The following MINDY4B variants were observed in gnomAD, a reference collection of about 807,000 sequenced individuals.
MINDY4B encodes inactive ubiquitin carboxyl-terminal hydrolase MINDY-4B.
MINDY4B carries 25 observed loss-of-function variants against 16.7 expected under a neutral mutation model. The observed-to-expected ratio is 1.49, with a 90% CI of 1.09 to 2.09. MINDY4B has a LOEUF of 2.09. Ranked by LOEUF, MINDY4B falls within the 30% of genes most tolerant of loss-of-function variation. The pLI is 0.00. For missense variants in MINDY4B, 327 were observed against 168.4 expected, an observed-to-expected ratio of 1.94 and a Z score of -5.21; for synonymous variants, 132 against 61.9, an observed-to-expected ratio of 2.13 and a Z score of -5.32.
chr3:150,883,893 CT>C (rs1463871406), intron 8 of MINDY4B, 121 bp from the exon 9 acceptor site: 6 of 623,420 alleles, frequency 9.6e-6, no homozygotes, highest in Non-Finnish European at 1.7e-5. Context: ...CTGTTTCTCA[CT>C]TGCACTTTTC....
intron 9 of MINDY4B, 149 bp downstream of exon 9, chr3:150,883,551 C>T (rs1431121355): frequency 2.5e-5 from 15 of 602,348 alleles, no homozygotes; most frequent in African/African-American, 3.7e-5. Flanking sequence ...CAAAGATAAC[C>T]GGATTGCTCT....
intron 7 of MINDY4B, among the ~76,000 whole-genome samples, chr3:150,885,779 T>A (rs940611105): frequency 2.0e-5 from 3 of 152,140 alleles, no homozygotes; most frequent in Non-Finnish European, 4.4e-5. Flanking sequence ...CCTCTCCTTA[T>A]CCAGCCTCTT....
chr3:150,884,902 C>T (rs7637547), intron 8 of MINDY4B, among the ~76,000 whole-genome samples: 60 of 152,332 alleles, frequency 3.9e-4, no homozygotes, highest in African/African-American at 1.3e-3. Flanking sequence ...TGCCCAGCAT[C>T]TCTGTGTACA....
chr3:150,901,005 A>G (rs548731090), intron 3 of MINDY4B: 1 of 152,258 alleles, frequency 6.6e-6, no homozygotes, highest in Admixed American at 6.5e-5. Flanking sequence ...CCTTGTACCC[A>G]CTGTTGTGTT....
At chr3:150,890,833 A>T in intron 6 of MINDY4B, 105 bp downstream of exon 6, 2 of 644,750 alleles carry the variant, frequency 3.1e-6, no homozygotes, top group Non-Finnish European at 5.7e-6. Flanking sequence ...CTCCGGTCAC[A>T]TCAGGAGCAT....
intron 10 of MINDY4B, among the ~76,000 whole-genome samples, chr3:150,879,005 C>G (rs1192773659): frequency 1.3e-5 from 2 of 152,164 alleles, no homozygotes; most frequent in Non-Finnish European, 2.9e-5. Context: ...GATATAGTCC[C>G]TTTTCTCACA....
At chr3:150,875,493 T>C (rs1055731572) in intron 10 of MINDY4B, among the ~76,000 whole-genome samples, 24 of 152,332 alleles carry the variant, frequency 1.6e-4, no homozygotes, top group African/African-American at 5.8e-4. Context: ...ATATATGATA[T>C]TGTTTCACAG....
chr3:150,888,879 G>C (rs993575134), intron 7 of MINDY4B, among the ~76,000 whole-genome samples: 1 of 152,142 alleles, frequency 6.6e-6, no homozygotes, highest in Non-Finnish European at 1.5e-5. Context: ...GGTGGAGGGG[G>C]TTCTTCCTAT....
Position 150,883,718 on chromosome 3 carries a change from T to G in MINDY4B, c.879A>C (p.Gly293=), listed in dbSNP as rs1478635494. The G allele has an allele frequency of 1.4e-6, 1 of 702,788 alleles. No homozygotes were observed. The highest frequency in any genetic ancestry group is 2.7e-5 in the East Asian group (1 of 37,284). The allele number at this position is 702,788 out of a possible 1,614,324, so 43.5% of individuals were successfully genotyped here. A position where few individuals can be genotyped will look rare whatever the true frequency, so the allele number is the denominator to read the frequency against. Residue 293 remains glycine, a synonymous_variant, in exon 9 of 12, where the codon GGA becomes GGC. Coordinates refer to ENST00000465419, the MANE Select transcript of MINDY4B (RefSeq NM_001351281.2). ...TTTQLLQPNA[G]GFLCRQAVLN... The stretch of plus-strand genomic sequence containing the variant: ...AGCTCACCTGCCTGCACAGAAAGCC[T>G]CCAGCATTTGGTTGTAGCAGCTGAG...
chr3:150,890,008 T>C (rs1380120378), intron 7 of MINDY4B, among the ~76,000 whole-genome samples: 1 of 152,218 alleles, frequency 6.6e-6, no homozygotes, highest in East Asian at 1.9e-4. Flanking sequence ...TTGTTTTTTA[T>C]TCATTAGATG....
chr3:150,898,615 T>C (rs913362423), intron 3 of MINDY4B, among the ~76,000 whole-genome samples: 4 of 152,234 alleles, frequency 2.6e-5, no homozygotes, highest in Non-Finnish European at 5.9e-5. Context: ...AAACAGATGG[T>C]AAATGGTCCT....
intron 10 of MINDY4B, among the ~76,000 whole-genome samples, chr3:150,874,671 C>T (rs1418911165): frequency 4.6e-5 from 7 of 152,300 alleles, no homozygotes; most frequent in Admixed American, 2.6e-4. Flanking sequence ...CTTTTCTTCT[C>T]AGTCCTCAGA....
chr3:150,889,536 A>G (rs1329272527), intron 7 of MINDY4B, among the ~76,000 whole-genome samples: 1 of 152,208 alleles, frequency 6.6e-6, no homozygotes, highest in African/African-American at 2.4e-5. Context: ...AGTGTAATAT[A>G]TTTACAAGTT....
chr3:150,883,984 G>A lies in MINDY4B; in HGVS notation c.825-212C>T, dbSNP rs370063154. Among the ~76,000 whole-genome samples, 13 of 152,364 alleles carry A rather than the reference G, an allele frequency of 8.5e-5. No individual in the cohort carries two copies. In the East Asian group the frequency reaches 2.1e-3, roughly 25 times the overall value. On this transcript the variant is annotated intron_variant, in intron 8 of 11. Transcript: ENST00000465419. Reference sequence around the variant, plus strand: ...GGGAAAGTGAGTAATAAGTGGTAGGGGAGAAGGTACAGATGTCTCAAATGT... The same window carrying A: ...GGGAAAGTGAGTAATAAGTGGTAGGAGAGAAGGTACAGATGTCTCAAATGT...
rs1244813594 is a variant in MINDY4B at position 150,891,060 on chromosome 3, C to T, written c.565G>A (p.Ala189Thr). 2.7e-5 allele frequency: 19 copies of T among 702,704 alleles called. No individual in the cohort carries two copies. The highest frequency in any genetic ancestry group is 6.0e-5 in the Admixed American group (3 of 49,996). The allele number at this position is 702,704 out of a possible 1,614,324, so 43.5% of individuals were successfully genotyped here. A position where few individuals can be genotyped will look rare whatever the true frequency, so the allele number is the denominator to read the frequency against. The stretch of plus-strand genomic sequence containing the variant: ...GCCCACAGGATGCCAGCAAGCGCCG[C>T]GGCCAAGGCTTGCTCCTGCTCCTTC... Reference protein sequence around the residue: ...SKKEQEQALAAALAGILWAAG... With the variant: ...SKKEQEQALATALAGILWAAG... Residue 189 changes from alanine to threonine, a missense_variant, in exon 6 of 12, where the codon GCG (alanine) becomes ACG (threonine). By Grantham distance (58) the Ala-to-Thr change is moderately conservative (BLOSUM62 0). Coordinates refer to ENST00000465419, the MANE Select transcript of MINDY4B (RefSeq NM_001351281.2).
chr3:150,881,763 A>G (rs2107898891), intron 10 of MINDY4B, among the ~76,000 whole-genome samples: 1 of 152,346 alleles, frequency 6.6e-6, no homozygotes, highest in African/African-American at 2.4e-5. Flanking sequence ...TCTATGATGA[A>G]CAAAGAATAC....
intron 10 of MINDY4B, among the ~76,000 whole-genome samples, chr3:150,881,327 T>G (rs190730677): frequency 7.2e-5 from 11 of 152,226 alleles, no homozygotes; most frequent in African/African-American, 2.6e-4. Flanking sequence ...GAGGTTGCAG[T>G]GAGCTGAGAT....
At position 150,894,185 on chromosome 3, in the gene MINDY4B, C is replaced by T. The variant is rs1392977130; in HGVS notation, c.429+1G>A. On this transcript the variant is annotated splice_donor_variant, in intron 4 of 11. Coordinates refer to ENST00000465419, the MANE Select transcript of MINDY4B (RefSeq NM_001351281.2). LOFTEE classifies it high-confidence loss of function. ...TTTAAAAATTATAAACTGGCTATTA[C>T]CTTTCCCACTTCCAGAGTGAAAGCT... 1.5e-6 allele frequency: 1 copy of T among 689,500 alleles called. No homozygotes were observed. The highest frequency in any genetic ancestry group is 2.6e-6 in the Non-Finnish European group (1 of 381,400). The allele number at this position is 689,500 out of a possible 1,614,324, so 42.7% of individuals were successfully genotyped here.
chr3:150,897,321 C>CTGTGTGTGTGTGTGTGTGTG (rs3062408), intron 3 of MINDY4B, among the ~76,000 whole-genome samples: 2 of 130,500 alleles, frequency 1.5e-5, no homozygotes, highest in African/African-American at 5.8e-5. Flanking sequence ...GTGACTGGAA[C>CTGTGTGTGTGTGTGTGTGTG]TGTGTGTGTG....
Sources: gnomAD v4.1 joint callset for allele counts (sites outside exome capture counted in the v4.1 genomes callset) on GRCh38, gnomAD v4.1.1 for gene constraint, MANE v1.5 for transcripts, NCBI Gene and HGNC (gene_info 2026-07-23, HGNC 2026-07-21) for gene names.